NELL1: variants seen among roughly 807,000 people sequenced by gnomAD.
NELL1 encodes the protein neural EGFL like 1.
A neutral mutation model predicts 107.4 loss-of-function variants in NELL1; 76 were observed. That is an observed-to-expected ratio of 0.71 (90% CI 0.59 to 0.86). NELL1 has a LOEUF of 0.86. Among genes scored for constraint, NELL1 ranks in the 40% least tolerant of loss-of-function variants. NELL1 has a pLI of 0.00. For missense variants in NELL1, 1,024 were observed against 1,005.5 expected (o/e 1.02, Z -0.25); for synonymous variants, 353 against 341.2 (o/e 1.03, Z -0.38).
intron 12 of NELL1, among the ~76,000 whole-genome samples, chr11:21,039,204 A>G (rs569267343): frequency 6.6e-6 from 1 of 151,924 alleles, no homozygotes; most frequent in Non-Finnish European, 1.5e-5. Flanking sequence ...TTTCTCCGAG[A>G]CAGAGTCTTG....
At chr11:20,791,596 C>G (rs1857074859) in intron 3 of NELL1, among the ~76,000 whole-genome samples, 1 of 152,132 alleles carries the variant, frequency 6.6e-6, no homozygotes, top group African/African-American at 2.4e-5. Flanking sequence ...CCAGAACTTC[C>G]AGTACAATGT....
chr11:20,883,339 G>A (rs1233620378), intron 4 of NELL1, among the ~76,000 whole-genome samples: 1 of 152,196 alleles, frequency 6.6e-6, no homozygotes, highest in Non-Finnish European at 1.5e-5. Context: ...GATAAGGTAG[G>A]ATAGGAAGTT....
intron 2 of NELL1, among the ~76,000 whole-genome samples, chr11:20,691,159 C>A (rs1193372290): frequency 6.6e-5 from 10 of 152,044 alleles, no homozygotes. Flanking sequence ...GCTGAAGTTG[C>A]TTATCAGCTT....
At chr11:21,514,450 G>A (rs1855509010) in intron 15 of NELL1, among the ~76,000 whole-genome samples, 1 of 152,204 alleles carries the variant, frequency 6.6e-6, no homozygotes, top group Non-Finnish European at 1.5e-5. Context: ...TCAAGTATGA[G>A]TAAAGTGAGC....
intron 5 of NELL1, among the ~76,000 whole-genome samples, chr11:20,902,195 C>A (rs1031014965): frequency 2.5e-4 from 38 of 150,932 alleles, no homozygotes; most frequent in Non-Finnish European, 1.5e-5. Flanking sequence ...AAAAGTGTGA[C>A]AATACATCAA....
intron 14 of NELL1, among the ~76,000 whole-genome samples, chr11:21,264,848 A>AG (rs536455864): frequency 2.3e-3 from 344 of 152,082 alleles, no homozygotes; most frequent in African/African-American, 7.9e-3. Context: ...TAGCACAAAG[A>AG]GATTCTCTTG....
chr11:20,693,971 G>T (rs566803789), intron 2 of NELL1, among the ~76,000 whole-genome samples: 17 of 152,124 alleles, frequency 1.1e-4, no homozygotes, highest in African/African-American at 4.1e-4. Context: ...ATTTCTTGGA[G>T]GCTTTGTTCG....
At chr11:20,835,048 CTTTG>C (rs1021451000) in intron 3 of NELL1, among the ~76,000 whole-genome samples, 1 of 152,174 alleles carries the variant, frequency 6.6e-6, no homozygotes, top group African/African-American at 2.4e-5. Flanking sequence ...CCTCTTCTTT[CTTTG>C]TTGCCTGAGC....
intron 15 of NELL1, among the ~76,000 whole-genome samples, chr11:21,454,118 C>T (rs1220606930): frequency 1.4e-5 from 2 of 138,862 alleles, no homozygotes; most frequent in African/African-American, 5.4e-5. Flanking sequence ...GTGATATTCC[C>T]CTTCCTGTGT....
intron 2 of NELL1, among the ~76,000 whole-genome samples, chr11:20,776,372 G>A (rs1856750195): frequency 6.6e-6 from 1 of 152,234 alleles, no homozygotes; most frequent in East Asian, 1.9e-4. Context: ...CCGGGAGGTG[G>A]AGGTTGCAGT....
chr11:21,466,163 A>C (rs1407353590), intron 15 of NELL1, among the ~76,000 whole-genome samples: 1 of 152,164 alleles, frequency 6.6e-6, no homozygotes, highest in African/African-American at 2.4e-5. Context: ...AGACTCTATT[A>C]GCAATAGCCG....
At chr11:21,435,848 T>G (rs1853102078) in intron 15 of NELL1, among the ~76,000 whole-genome samples, 2 of 151,644 alleles carry the variant, frequency 1.3e-5, no homozygotes, top group Admixed American at 1.3e-4. Flanking sequence ...ATGGTAATGC[T>G]GGCTTCATAG....
chr11:21,459,959 T>C lies in NELL1; in HGVS notation c.1646-74415T>C, dbSNP rs568150593. On this transcript the variant is annotated intron_variant, in intron 15 of 19. Coordinates refer to ENST00000357134, the MANE Select transcript of NELL1 (RefSeq NM_006157.5). ...CTTGGAGAAGAAGCAGGTTATATTCTTATGTTCAGAACATTGTCTGATGCA... is the reference window on the plus strand; with the variant it reads ...CTTGGAGAAGAAGCAGGTTATATTCCTATGTTCAGAACATTGTCTGATGCA... 7.2e-5 allele frequency among the ~76,000 whole-genome samples: 11 copies of C among 152,212 alleles called. No homozygotes were observed. In the East Asian group the frequency reaches 1.9e-3, roughly 27 times the overall value.
In NELL1 at chr11:21,450,654, C is replaced by T. The variant is rs145851332; in HGVS notation, c.1645+79706C>T. On this transcript the variant is annotated intron_variant, in intron 15 of 19. Transcript: ENST00000357134. Reference sequence around the variant, plus strand: ...TACAGATTTCTTCCTGAAACATCACCACGTTCATTTGAAATGTATATGATG... The same window carrying T: ...TACAGATTTCTTCCTGAAACATCACTACGTTCATTTGAAATGTATATGATG... Among the ~76,000 whole-genome samples the T allele has an allele frequency of 3.2e-4, 49 of 152,238 alleles. 1 individual carries two copies. The highest frequency in any genetic ancestry group is 1.4e-3 in the Admixed American group (21 of 15,284).
chr11:21,117,359 T>C (rs1855262427), intron 13 of NELL1, among the ~76,000 whole-genome samples: 2 of 152,000 alleles, frequency 1.3e-5, no homozygotes, highest in South Asian at 4.1e-4. Flanking sequence ...GGGGCCTTTT[T>C]CCTTTTGTTC....
chr11:21,249,165 G>T (rs900234540), intron 14 of NELL1, among the ~76,000 whole-genome samples: 1 of 152,140 alleles, frequency 6.6e-6, no homozygotes, highest in African/African-American at 2.4e-5. Flanking sequence ...AAAGCAGTAA[G>T]AATCCTTCAT....
At chr11:21,078,101 A>G (rs985441907) in intron 12 of NELL1, among the ~76,000 whole-genome samples, 18 of 152,128 alleles carry the variant, frequency 1.2e-4, no homozygotes, top group African/African-American at 3.6e-4. Context: ...ACAAAATTCT[A>G]TAGAGGAGGA....
intron 14 of NELL1, among the ~76,000 whole-genome samples, chr11:21,344,651 G>A (rs1423540318): frequency 6.6e-6 from 1 of 152,162 alleles, no homozygotes; most frequent in Middle Eastern, 3.2e-3. Context: ...AGAATTGGAA[G>A]TCAAAAGACT....
Position 20,700,501 on chromosome 11 carries a change from T to A in NELL1, c.184+22441T>A, listed in dbSNP as rs997947973. Among the ~76,000 whole-genome samples the A allele has an allele frequency of 6.9e-4, 91 of 132,312 alleles. 1 individual carries two copies. Among genetic ancestry groups the A allele is most frequent in the South Asian group, 5.4e-3 (22 of 4,060 alleles). 86.8% of individuals were successfully genotyped at this position (132,312 alleles called of 152,430 possible). A position where few individuals can be genotyped will look rare whatever the true frequency, so the allele number is the denominator to read the frequency against. ...CTCAAAAAAGACAAAGAAAAAAAAA[T>A]ATATATATTTCAATAAAATTTTTTT... On this transcript the variant is annotated intron_variant, in intron 2 of 19. Coordinates refer to ENST00000357134, the MANE Select transcript of NELL1 (RefSeq NM_006157.5).
Sources: gnomAD v4.1 joint callset for allele counts (sites outside exome capture counted in the v4.1 genomes callset) on GRCh38, gnomAD v4.1.1 for gene constraint, MANE v1.5 for transcripts, NCBI Gene and HGNC (gene_info 2026-07-23, HGNC 2026-07-21) for gene names.